TMEM263: variants seen among roughly 807,000 people sequenced by gnomAD.
The protein encoded by TMEM263 is UPF0444 transmembrane protein C12orf23.
Under a neutral mutation model 8.6 loss-of-function variants are expected in TMEM263, and 5 were observed. The observed-to-expected ratio is 0.58, with a 90% CI of 0.31 to 1.23. The LOEUF is 1.23. Ranked by LOEUF, TMEM263 falls within the 50% of genes most tolerant of loss-of-function variation. The pLI, the probability that TMEM263 is intolerant of heterozygous loss-of-function variation, is 0.07. For synonymous variants in TMEM263, 50 were observed against 47.9 expected, an observed-to-expected ratio of 1.04 and a Z score of -0.18; for missense variants, 104 against 138.8, an observed-to-expected ratio of 0.75 and a Z score of 1.26.
chr12:106,968,942 A>G (rs1228305338), intron 3 of TMEM263, among the ~76,000 whole-genome samples: 4 of 152,212 alleles, frequency 2.6e-5, no homozygotes, highest in African/African-American at 9.6e-5. Flanking sequence ...TAATATATTC[A>G]AATGCCCATC....
chr12:106,967,286 CT>C (rs999359916), intron 3 of TMEM263, 106 bp downstream of exon 3: 1 of 731,730 alleles, frequency 1.4e-6, no homozygotes, highest in Non-Finnish European at 2.1e-6. Flanking sequence ...GAGACAGAGT[CT>C]TACTCTGTCA....
At position 106,971,596 on chromosome 12, in the gene TMEM263, T is replaced by C. The variant is rs1951922947; in HGVS notation, c.*205T>C. On this transcript the variant is annotated 3_prime_UTR_variant, in exon 4 of 4. Transcript: ENST00000280756. ...GGTTTCTCATACTTAAGTTCCAGGT[T>C]TTTATCTGGTAAAATGTTACACTTA... 2 of 469,042 alleles carry C rather than the reference T, an allele frequency of 4.3e-6. No homozygotes were observed. The highest frequency in any genetic ancestry group is 7.8e-5 in the Admixed American group (2 of 25,570). 29.1% of individuals were successfully genotyped at this position (469,042 alleles called of 1,614,324 possible).
At chr12:106,965,605 CA>C (rs199982435) in intron 2 of TMEM263, among the ~76,000 whole-genome samples, 23,148 of 115,570 alleles carry the variant, frequency 0.2, 2,925 homozygotes, top group African/African-American at 0.4. Flanking sequence ...GACTCTGTCT[CA>C]AAAAAAAAAA....
chr12:106,966,786 C>A, intron 2 of TMEM263: 1 of 231,054 alleles, frequency 4.3e-6, no homozygotes, highest in Non-Finnish European at 8.3e-6. Flanking sequence ...GTCGGCTAAC[C>A]CCCACCTTCC....
Position 106,955,924 on chromosome 12 carries a change from C to T in TMEM263, c.-216C>T. On this transcript the variant is annotated 5_prime_UTR_variant, in exon 1 of 4. Coordinates refer to ENST00000280756, the MANE Select transcript of TMEM263 (RefSeq NM_152261.4). The stretch of plus-strand genomic sequence containing the variant: ...CCGCCGCCACAGTCTTCCAGCTCCA[C>T]ATCCTGAGAGGACGCCTCTGGAGCC... 1.0e-6 allele frequency: 1 copy of T among 985,804 alleles called. No homozygotes were observed. The highest frequency in any genetic ancestry group is 1.2e-6 in the Non-Finnish European group (1 of 830,298). The allele number at this position is 985,804 out of a possible 1,614,324, so 61.1% of individuals were successfully genotyped here. A position where few individuals can be genotyped will look rare whatever the true frequency, so the allele number is the denominator to read the frequency against.
intron 3 of TMEM263, among the ~76,000 whole-genome samples, chr12:106,968,756 T>C (rs1000391548): frequency 6.6e-6 from 1 of 152,256 alleles, no homozygotes; most frequent in African/African-American, 2.4e-5. Context: ...ATTTGTCTTC[T>C]TTAAATGCAT....
chr12:106,969,412 T>C (rs1951887958), intron 3 of TMEM263, among the ~76,000 whole-genome samples: 1 of 152,156 alleles, frequency 6.6e-6, no homozygotes, highest in Non-Finnish European at 1.5e-5. Context: ...CTAATGCTTA[T>C]GTGTTGTTGC....
rs1012728006 is a variant in TMEM263, at chr12:106,972,995, G to T, written c.*1604G>T. On this transcript the variant is annotated 3_prime_UTR_variant, in exon 4 of 4. Transcript: ENST00000280756. ...CAAGGCTTGTTTATAAAATACTTGA[G>T]AATTACATTAATGTGGAATCAACAG... is the stretch of plus-strand genomic sequence containing the variant. The T allele has an allele frequency of 6.6e-6, 1 of 151,296 alleles. No homozygotes were observed. The highest frequency in any genetic ancestry group is 1.5e-5 in the Non-Finnish European group (1 of 67,874). The allele number at this position is 151,296 out of a possible 1,614,324, so 9.4% of individuals were successfully genotyped here.
chr12:106,964,629 C>G (rs1235776624), intron 2 of TMEM263, among the ~76,000 whole-genome samples: 1 of 152,180 alleles, frequency 6.6e-6, no homozygotes, highest in East Asian at 1.9e-4. Context: ...AATTCTCAAA[C>G]CAAACCAGGA....
chr12:106,967,317 G>A, intron 3 of TMEM263, 137 bp downstream of exon 3: 1 of 563,836 alleles, frequency 1.8e-6, no homozygotes. Flanking sequence ...GGAGTGCAAT[G>A]GCACGATCTT....
intron 1 of TMEM263, among the ~76,000 whole-genome samples, chr12:106,956,439 C>T (rs1951692493): frequency 6.6e-6 from 1 of 152,176 alleles, no homozygotes; most frequent in Admixed American, 6.5e-5. Context: ...TACCGGGCTT[C>T]CTCGCCCTGC....
Position 106,956,079 on chromosome 12 carries a change from G to C in TMEM263, c.-75+14G>C, listed in dbSNP as rs910368314. 1.3e-5 allele frequency: 13 copies of C among 980,610 alleles called. No individual in the cohort carries two copies. The highest frequency in any genetic ancestry group is 5.2e-4 in the Middle Eastern group (1 of 1,932). 60.7% of individuals were successfully genotyped at this position (980,610 alleles called of 1,614,324 possible). A position where few individuals can be genotyped will look rare whatever the true frequency, so the allele number is the denominator to read the frequency against. ...GCGACCCCGGCGGTGAGTGAGTCGG[G>C]ATGCGAGGGCAGGGGCGCAGTCCCG... is the stretch of plus-strand genomic sequence containing the variant. On this transcript the variant is annotated intron_variant, in intron 1 of 3. Transcript: ENST00000280756.
At chr12:106,964,646 T>G (rs1351250937) in intron 2 of TMEM263, among the ~76,000 whole-genome samples, 1 of 152,240 alleles carries the variant, frequency 6.6e-6, no homozygotes, top group Non-Finnish European at 1.5e-5. Flanking sequence ...AGGATAAGAT[T>G]AGGTGCCATT....
intron 2 of TMEM263, among the ~76,000 whole-genome samples, chr12:106,961,039 C>T (rs1023315819): frequency 1.6e-4 from 16 of 98,864 alleles, no homozygotes; most frequent in African/African-American, 3.2e-4. Flanking sequence ...TCTCTTCGTC[C>T]TGTCCTGTCC....
In TMEM263 at chr12:106,973,509, T is replaced by G. The variant is rs1951955452; in HGVS notation, c.*2118T>G. Reference sequence around the variant, plus strand: ...TAATTTCTGCTACAGAAAAGCCACCTGGTACGTTTTGTCTCATCAGGATTG... The same window carrying G: ...TAATTTCTGCTACAGAAAAGCCACCGGGTACGTTTTGTCTCATCAGGATTG... On this transcript the variant is annotated 3_prime_UTR_variant, in exon 4 of 4. Transcript: ENST00000280756. 6.6e-6 allele frequency: 1 copy of G among 152,630 alleles called. No individual in the cohort carries two copies. 9.5% of individuals were successfully genotyped at this position (152,630 alleles called of 1,614,324 possible).
intron 2 of TMEM263, among the ~76,000 whole-genome samples, chr12:106,966,535 T>A (rs986412745): frequency 2.9e-4 from 44 of 152,232 alleles, no homozygotes; most frequent in African/African-American, 8.9e-4. Flanking sequence ...TGTGAGTTCT[T>A]TTGAGAAATC....
Position 106,971,561 on chromosome 12 carries a change from A to G in TMEM263, c.*170A>G, listed in dbSNP as rs1951922395. 3.4e-6 allele frequency: 2 copies of G among 584,400 alleles called. No individual in the cohort carries two copies. The highest frequency in any genetic ancestry group is 3.7e-5 in the Admixed American group (1 of 27,158). 36.2% of individuals were successfully genotyped at this position (584,400 alleles called of 1,614,324 possible). A position where few individuals can be genotyped will look rare whatever the true frequency, so the allele number is the denominator to read the frequency against. Reference sequence around the variant, plus strand: ...AAAAAGAAGAGACCAATACGAGCACAGTATATGAAGGTTTCTCATACTTAA... The same window carrying G: ...AAAAAGAAGAGACCAATACGAGCACGGTATATGAAGGTTTCTCATACTTAA... On this transcript the variant is annotated 3_prime_UTR_variant, in exon 4 of 4. Coordinates refer to ENST00000280756, the MANE Select transcript of TMEM263 (RefSeq NM_152261.4).
chr12:106,965,306 C>A (rs1247362677), intron 2 of TMEM263, among the ~76,000 whole-genome samples: 2 of 152,060 alleles, frequency 1.3e-5, no homozygotes, highest in African/African-American at 4.8e-5. Flanking sequence ...AATATCATAT[C>A]CTCTCCCCAT....
chr12:106,967,162 A>G lies in TMEM263; in HGVS notation c.46A>G (p.Asn16Asp). The change falls in exon 3 of 4, where the codon AAT becomes GAT. Residue 16 changes from asparagine (N) to aspartate (D), a missense_variant. Physicochemically the swap from Asn to Asp is conservative, Grantham distance 23. Transcript: ENST00000280756. ...TCAACAAGAAATCCCATCATACCTT[A>G]ATGATGAACCACCAGAAGGTAAGTA... ...KNQQEIPSYLNDEPPEGSMKD... is the reference protein window; with the variant it reads ...KNQQEIPSYLDDEPPEGSMKD... The G allele has an allele frequency of 1.3e-6, 2 of 1,596,084 alleles. No homozygotes were observed. The highest frequency in any genetic ancestry group is 8.6e-7 in the Non-Finnish European group (1 of 1,168,860).
Sources: gnomAD v4.1 joint callset for allele counts (sites outside exome capture counted in the v4.1 genomes callset) on GRCh38, gnomAD v4.1.1 for gene constraint, MANE v1.5 for transcripts, NCBI Gene and HGNC (gene_info 2026-07-23, HGNC 2026-07-21) for gene names.